GADL1: variants seen among roughly 807,000 people sequenced by gnomAD.
The protein encoded by GADL1 is acidic amino acid decarboxylase GADL1.
GADL1 carries 71 observed loss-of-function variants against 69.5 expected under a neutral mutation model. That is an observed-to-expected ratio of 1.02 (90% CI 0.84 to 1.25). The LOEUF (loss-of-function observed/expected upper bound fraction) is 1.25. GADL1 is among the 50% of genes most tolerant of loss of function. GADL1 has a pLI of 0.00. For missense variants in GADL1, 737 were observed against 631.8 expected, an observed-to-expected ratio of 1.17 and a Z score of -1.79; for synonymous variants, 254 against 214.4, an observed-to-expected ratio of 1.18 and a Z score of -1.62.
Position 30,857,026 on chromosome 3 carries a change from CTG to C in GADL1, c.324_325del (p.Tyr108Ter). The C allele has an allele frequency of 1.3e-6, 2 of 1,549,658 alleles. No individual in the cohort carries two copies. The highest frequency in any genetic ancestry group is 1.7e-6 in the Non-Finnish European group (2 of 1,145,444). On this transcript the variant is annotated stop_gained and frameshift_variant, in exon 3 of 15. Coordinates refer to ENST00000282538, the MANE Select transcript of GADL1 (RefSeq NM_207359.3). LOFTEE classifies it high-confidence loss of function. ...ATTAAAGTTCTTACTAGTTTTGACA[CTG>C]TAGTGTATGACATCCCGACAGAGTT... is the stretch of plus-strand genomic sequence containing the variant.
intron 14 of GADL1, among the ~76,000 whole-genome samples, chr3:30,770,402 C>G (rs1403245799): frequency 1.3e-5 from 2 of 152,194 alleles, no homozygotes; most frequent in African/African-American, 4.8e-5. Flanking sequence ...ATAAACTTGG[C>G]TCATGTGCAA....
At chr3:30,763,138 T>G (rs1451716318) in intron 14 of GADL1, among the ~76,000 whole-genome samples, 1 of 152,192 alleles carries the variant, frequency 6.6e-6, no homozygotes, top group African/African-American at 2.4e-5. Context: ...GAACTCTGTA[T>G]GTGTATTTAT....
At chr3:30,810,441 C>A (rs549576311) in intron 11 of GADL1, among the ~76,000 whole-genome samples, 3 of 152,054 alleles carry the variant, frequency 2.0e-5, no homozygotes, top group South Asian at 2.1e-4. Context: ...AGAGAGAGAT[C>A]TGTGTTTGTC....
chr3:30,781,838 G>A (rs535930801), intron 13 of GADL1, among the ~76,000 whole-genome samples: 1 of 152,276 alleles, frequency 6.6e-6, no homozygotes, highest in Admixed American at 6.5e-5. Context: ...ATTATTTGGG[G>A]CCATAATGGC....
intron 9 of GADL1, among the ~76,000 whole-genome samples, chr3:30,836,451 T>TCAC: frequency 6.6e-6 from 1 of 151,796 alleles, no homozygotes; most frequent in Non-Finnish European, 1.5e-5. Context: ...TGCTGCACTC[T>TCAC]AATTCCTAAC....
intron 1 of GADL1, among the ~76,000 whole-genome samples, chr3:30,891,286 C>T (rs965102437): frequency 1.3e-5 from 2 of 152,090 alleles, no homozygotes; most frequent in Non-Finnish European, 2.9e-5. Flanking sequence ...TATACATGCC[C>T]CTGAGAGAGG....
intron 14 of GADL1, among the ~76,000 whole-genome samples, chr3:30,739,660 A>G (rs1039095705): frequency 7.2e-5 from 11 of 152,148 alleles, no homozygotes; most frequent in Admixed American, 1.3e-4. Context: ...TGGTATTTCA[A>G]TCTCAGAGGC....
At chr3:30,768,713 G>GA (rs1331456141) in intron 14 of GADL1, among the ~76,000 whole-genome samples, 10 of 152,042 alleles carry the variant, frequency 6.6e-5, no homozygotes, top group Non-Finnish European at 1.5e-4. Flanking sequence ...GATGAAGAAA[G>GA]AAACATTTGA....
intron 13 of GADL1, among the ~76,000 whole-genome samples, chr3:30,781,041 G>T (rs985865799): frequency 6.6e-6 from 1 of 152,124 alleles, no homozygotes; most frequent in Non-Finnish European, 1.5e-5. Flanking sequence ...ATATGTGAAA[G>T]TCTGACTTCT....
intron 12 of GADL1, among the ~76,000 whole-genome samples, chr3:30,789,858 G>A (rs541747688): frequency 1.3e-5 from 2 of 152,184 alleles, no homozygotes; most frequent in Admixed American, 1.3e-4. Context: ...GTCTTGCTCT[G>A]AATTGGGCTT....
chr3:30,886,752 G>A (rs1698716285), intron 1 of GADL1, among the ~76,000 whole-genome samples: 1 of 152,154 alleles, frequency 6.6e-6, no homozygotes, highest in South Asian at 2.1e-4. Context: ...TGGAGCTTCT[G>A]GGTCCCAATC....
chr3:30,728,868 T>G (rs1012955163), intron 14 of GADL1, among the ~76,000 whole-genome samples: 11 of 151,982 alleles, frequency 7.2e-5, no homozygotes, highest in Admixed American at 2.6e-4. Context: ...ATAAAGAAAA[T>G]TAGTCATAGA....
intron 11 of GADL1, among the ~76,000 whole-genome samples, chr3:30,812,887 GAGAT>G (rs1051432046): frequency 6.6e-5 from 10 of 152,112 alleles, no homozygotes; most frequent in Admixed American, 4.6e-4. Context: ...GGAGAGAAGA[GAGAT>G]AGAAGTGAGG....
At chr3:30,789,582 CAT>C (rs1162173410) in intron 12 of GADL1, among the ~76,000 whole-genome samples, 1 of 152,190 alleles carries the variant, frequency 6.6e-6, no homozygotes, top group Non-Finnish European at 1.5e-5. Context: ...TCATGAAACT[CAT>C]AGGTGGCAGC....
At chr3:30,837,418 G>A (rs1313897913) in intron 9 of GADL1, among the ~76,000 whole-genome samples, 1 of 152,100 alleles carries the variant, frequency 6.6e-6, no homozygotes, top group Non-Finnish European at 1.5e-5. Flanking sequence ...TTTGCCAGAT[G>A]TATACTATGC....
At chr3:30,788,675 T>C (rs1343761055) in intron 12 of GADL1, among the ~76,000 whole-genome samples, 1 of 152,234 alleles carries the variant, frequency 6.6e-6, no homozygotes, top group Non-Finnish European at 1.5e-5. Flanking sequence ...AATTAGTCAA[T>C]CCTTTCAAAC....
At chr3:30,753,983 C>A (rs187274463) in intron 14 of GADL1, among the ~76,000 whole-genome samples, 4 of 152,256 alleles carry the variant, frequency 2.6e-5, no homozygotes, top group Non-Finnish European at 5.9e-5. Context: ...TGGCCACCTA[C>A]GGATTTTCCC....
At chr3:30,800,781 G>A (rs957644312) in intron 12 of GADL1, 108 bp downstream of exon 12, 4 of 875,698 alleles carry the variant, frequency 4.6e-6, no homozygotes, top group Middle Eastern at 6.8e-4. Flanking sequence ...ACTTTCCTTA[G>A]GTCTTCCTAT....
At chr3:30,849,193 G>A (rs758608289) in intron 6 of GADL1, among the ~76,000 whole-genome samples, 1 of 152,112 alleles carries the variant, frequency 6.6e-6, no homozygotes, top group Non-Finnish European at 1.5e-5. Flanking sequence ...TCGTAGATGG[G>A]CCATCAGCCA....
Sources: gnomAD v4.1 joint callset for allele counts (sites outside exome capture counted in the v4.1 genomes callset) on GRCh38, gnomAD v4.1.1 for gene constraint, MANE v1.5 for transcripts, NCBI Gene and HGNC (gene_info 2026-07-23, HGNC 2026-07-21) for gene names.